TRIM6: variants seen among roughly 807,000 people sequenced by gnomAD.
The protein encoded by TRIM6 is tripartite motif containing 6.
TRIM6 carries 43 observed loss-of-function variants against 51.2 expected under a neutral mutation model. The ratio of observed to expected loss-of-function variants is 0.84; its 90% confidence interval spans 0.66 to 1.08. TRIM6 has a LOEUF of 1.08. Ranked by LOEUF, TRIM6 falls within the 50% of genes least tolerant of loss-of-function variation. The probability of loss-of-function intolerance (pLI) is 0.00; values close to 1 mark genes in which losing one functional copy is unlikely to be tolerated. For missense variants in TRIM6, 669 were observed against 619.0 expected (o/e 1.08, Z -0.86); for synonymous variants, 215 against 232.4 (o/e 0.93, Z 0.68).
At chr11:5,604,805 G>C in intron 3 of TRIM6, 176 bp downstream of exon 3, 3 of 604,620 alleles carry the variant, frequency 5.0e-6, no homozygotes, top group Non-Finnish European at 5.4e-6. Flanking sequence ...GAGGTAAATA[G>C]CAAATATATC....
At chr11:5,607,334 A>G (rs939875301) in intron 4 of TRIM6, among the ~76,000 whole-genome samples, 2 of 152,244 alleles carry the variant, frequency 1.3e-5, no homozygotes, top group Non-Finnish European at 2.9e-5. Context: ...GCCACAATGT[A>G]AGATTGATAC....
At chr11:5,604,866 T>G (rs1590099945) in intron 3 of TRIM6, 1 of 472,092 alleles carries the variant, frequency 2.1e-6, no homozygotes, top group Non-Finnish European at 3.7e-6. Context: ...TGGCTAGGGG[T>G]CGCCCCAATT....
intron 1 of TRIM6, among the ~76,000 whole-genome samples, chr11:5,598,366 T>C (rs1183598423): frequency 1.3e-5 from 2 of 152,158 alleles, no homozygotes; most frequent in African/African-American, 2.4e-5. Flanking sequence ...TACAAATCTT[T>C]TTTCTGCTCA....
In TRIM6 at chr11:5,607,796, G is replaced by A. The variant is rs148308076; in HGVS notation, c.835-576G>A. 7.9e-5 allele frequency among the ~76,000 whole-genome samples: 12 copies of A among 152,280 alleles called. No individual in the cohort carries two copies. In the East Asian group the frequency reaches 2.3e-3, roughly 29 times the overall value. ...CGAACTAAGTTCTTTTAAACATCTT[G>A]CATTTGAGGTACCTGTGACATATTT... On this transcript the variant is annotated intron_variant, in intron 4 of 7. Coordinates refer to ENST00000380097, the MANE Select transcript of TRIM6 (RefSeq NM_001003818.3).
At position 5,605,370 on chromosome 11, in the gene TRIM6, A is replaced by C. The variant is rs1006628964; in HGVS notation, c.637A>C (p.Thr213Pro). ...QMEPERCRIQ[T>P]EFNQLRNILD... ...GGAGCCTGAGAGATGCAGGATCCAG[A>C]CAGAGTTTAATCAGCTGCGAAATAT... The change falls in exon 4 of 8, where the codon ACA becomes CCA. Residue 213 changes from threonine to proline, a missense_variant. Thr to Pro is a conservative substitution (Grantham distance 38, BLOSUM62 -1). Coordinates refer to ENST00000380097, the MANE Select transcript of TRIM6 (RefSeq NM_001003818.3). 6.2e-6 allele frequency: 10 copies of C among 1,614,084 alleles called. No individual in the cohort carries two copies. Among genetic ancestry groups the C allele is most frequent in the Non-Finnish European group, 8.5e-6 (10 of 1,180,048 alleles).
In TRIM6 at chr11:5,610,834, G is replaced by A. The variant is rs372491402; in HGVS notation, c.1043G>A (p.Arg348Gln). The A allele has an allele frequency of 1.7e-5, 28 of 1,614,006 alleles. No homozygotes were observed. The highest frequency in any genetic ancestry group is 6.7e-5 in the African/African-American group (5 of 74,888). ...ANLNLVLAKN[R>Q]RQVRFVGAKV... ...TTAAATCTTGTCCTGGCTAAAAACC[G>A]GAGACAAGTGAGGTTTGTGGGAGCT... Residue 348 changes from arginine to glutamine, a missense_variant, in exon 8 of 8, where the codon CGG (arginine) becomes CAG (glutamine). By Grantham distance (43) the Arg-to-Gln change is conservative (BLOSUM62 1). Coordinates refer to ENST00000380097, the MANE Select transcript of TRIM6 (RefSeq NM_001003818.3).
intron 1 of TRIM6, among the ~76,000 whole-genome samples, chr11:5,602,300 G>A (rs192153421): frequency 1.2e-4 from 19 of 152,150 alleles, no homozygotes; most frequent in South Asian, 4.1e-4. Flanking sequence ...AAAATTAGCC[G>A]GACATAGTGG....
chr11:5,608,421 T>C (rs765436097), intron 5 of TRIM6, 27 bp downstream of exon 5: 1 of 1,613,080 alleles, frequency 6.2e-7, no homozygotes, highest in Non-Finnish European at 8.5e-7. Context: ...CATGAGGTAG[T>C]TCCCCTGGAC....
At chr11:5,600,505 G>T (rs80152965) in intron 1 of TRIM6, among the ~76,000 whole-genome samples, 4,586 of 152,160 alleles carry the variant, frequency 0.03, 235 homozygotes, top group East Asian at 0.22. Context: ...CAGCAGGGCC[G>T]CTAGGAGGCT....
At position 5,604,088 on chromosome 11, in the gene TRIM6, C is replaced by T. The variant is rs1418875047; in HGVS notation, c.507+353C>T. 3.9e-5 allele frequency among the ~76,000 whole-genome samples: 6 copies of T among 152,056 alleles called. No individual in the cohort carries two copies. The South Asian group carries it at 8.3e-4, about 21-fold the overall frequency. ...CCGGCTCACTGCAACCTCCGCCTCC[C>T]GGGTTCAAGCAGTTCTCGTGCCTGG... On this transcript the variant is annotated intron_variant, in intron 2 of 7. Transcript: ENST00000380097.
At position 5,611,403 on chromosome 11, in the gene TRIM6, T is replaced by C; in HGVS notation, c.*61T>C. ...CCTGAGGCTTATCAGCATGTGATTC[T>C]CCCTTCTGATCTTCTGTTTTTCTGT... On this transcript the variant is annotated 3_prime_UTR_variant, in exon 8 of 8. Transcript: ENST00000380097. The C allele has an allele frequency of 1.6e-6, 2 of 1,265,614 alleles. No individual in the cohort carries two copies. Among genetic ancestry groups the C allele is most frequent in the South Asian group, 1.4e-5 (1 of 70,824 alleles). 78.4% of individuals were successfully genotyped at this position (1,265,614 alleles called of 1,614,324 possible).
At chr11:5,604,166 G>C (rs1205284416) in intron 2 of TRIM6, among the ~76,000 whole-genome samples, 2 of 144,848 alleles carry the variant, frequency 1.4e-5, no homozygotes, top group Non-Finnish European at 3.1e-5. Flanking sequence ...AGCTAATTGT[G>C]TGTGTGTGTG....
At chr11:5,610,099 A>G in intron 5 of TRIM6, 46 bp from the exon 6 acceptor site, 1 of 1,595,344 alleles carries the variant, frequency 6.3e-7, no homozygotes, top group South Asian at 1.1e-5. Flanking sequence ...TGGTGGAGGA[A>G]CCCACAGTCA....
chr11:5,596,380 A>G (rs1435913421), upstream of TRIM6, among the ~76,000 whole-genome samples: 3 of 151,578 alleles, frequency 2.0e-5, no homozygotes, highest in Non-Finnish European at 2.9e-5. Context: ...GGCCGTGTAA[A>G]GAGAGTTAAA....
chr11:5,601,505 C>A (rs1201018244), intron 1 of TRIM6, among the ~76,000 whole-genome samples: 2 of 152,114 alleles, frequency 1.3e-5, no homozygotes, highest in East Asian at 1.9e-4. Context: ...CGCTTGTAAT[C>A]CCAGCACTTT....
chr11:5,608,530 G>A, intron 5 of TRIM6, 136 bp downstream of exon 5: 1 of 1,372,740 alleles, frequency 7.3e-7, no homozygotes, highest in Non-Finnish European at 9.7e-7. Context: ...ATCACATGGA[G>A]TTTTGGCATC....
In TRIM6 at chr11:5,603,523, A is replaced by G. The variant is rs1305002586; in HGVS notation, c.295A>G (p.Asn99Asp). Residue 99 changes from asparagine (N) to aspartate (D), a missense_variant, in exon 2 of 8, where the codon AAT becomes GAT. Transcript: ENST00000380097. ...TSYQPGNLRP[N>D]RHLANIVRRL... is the part of the protein sequence containing the mutation. ...CTACCAGCCAGGGAACCTGCGGCCT[A>G]ATCGGCATCTGGCCAACATAGTGAG... is the stretch of plus-strand genomic sequence containing the variant. 2 of 1,613,950 alleles carry G rather than the reference A, an allele frequency of 1.2e-6. No individual in the cohort carries two copies. Among genetic ancestry groups the G allele is most frequent in the African/African-American group, 2.7e-5 (2 of 74,872 alleles).
At chr11:5,604,041 G>T (rs1331678429) in intron 2 of TRIM6, among the ~76,000 whole-genome samples, 5 of 152,082 alleles carry the variant, frequency 3.3e-5, no homozygotes, top group Admixed American at 1.3e-4. Flanking sequence ...TGTCGCCCAG[G>T]TTGGAGTGCA....
chr11:5,603,709 G>A lies in TRIM6; in HGVS notation c.481G>A (p.Val161Met), dbSNP rs374195536. 23 of 1,613,320 alleles carry A rather than the reference G, an allele frequency of 1.4e-5. No homozygotes were observed. The highest frequency in any genetic ancestry group is 8.9e-5 in the East Asian group (4 of 44,782). Residue 161 changes from valine to methionine, a missense_variant, in exon 2 of 8, where the codon GTG (valine) becomes ATG (methionine). Physicochemically the swap from Val to Met is conservative, Grantham distance 21. Coordinates refer to ENST00000380097, the MANE Select transcript of TRIM6 (RefSeq NM_001003818.3). ...GCACCGTGGTCACCACACGTTCCTC[G>A]TGGAGGAGGTTGCCCAGGAGTACCA... ...QEHRGHHTFL[V>M]EEVAQEYQEK... is the part of the protein sequence containing the mutation.
Sources: allele counts gnomAD v4.1 joint callset (sites outside exome capture counted in the v4.1 genomes callset), GRCh38; gene constraint gnomAD v4.1.1; transcripts MANE v1.5; gene names NCBI Gene and HGNC (gene_info 2026-07-23, HGNC 2026-07-21).